The following CA13 variants were observed in gnomAD, a reference collection of about 807,000 sequenced individuals.
The protein encoded by CA13 is carbonic anhydrase 13, also known as CA-XIII.
In CA13, 21 loss-of-function variants were observed where a neutral mutation model predicts 31.5. The observed-to-expected ratio is 0.67, with a 90% CI of 0.47 to 0.96. CA13 has a LOEUF of 0.96. Ranked by LOEUF, CA13 falls within the 40% of genes least tolerant of loss-of-function variation. The pLI, the probability that CA13 is intolerant of heterozygous loss-of-function variation, is 0.00. For missense variants in CA13, 315 were observed against 318.9 expected (o/e 0.99, Z 0.09); for synonymous variants, 117 against 111.4 (o/e 1.05, Z -0.32).
At chr8:85,265,270 C>T (rs903290905) in intron 3 of CA13, among the ~76,000 whole-genome samples, 1 of 152,192 alleles carries the variant, frequency 6.6e-6, no homozygotes, top group Non-Finnish European at 1.5e-5. Flanking sequence ...ATGGCTTGAT[C>T]ACCATTTATG....
intron 6 of CA13, among the ~76,000 whole-genome samples, chr8:85,270,168 A>G (rs1004247272): frequency 1.9e-4 from 29 of 152,206 alleles, no homozygotes; most frequent in African/African-American, 6.5e-4. Flanking sequence ...ATTAGGTGCA[A>G]TATCTTAGCA....
rs1587528851 is a variant in CA13 at position 85,245,709 on chromosome 8, A to C, written c.-120A>C. 2 of 1,164,760 alleles carry C rather than the reference A, an allele frequency of 1.7e-6. No individual in the cohort carries two copies. Among genetic ancestry groups the C allele is most frequent in the Non-Finnish European group, 2.5e-6 (2 of 787,448 alleles). 72.2% of individuals were successfully genotyped at this position (1,164,760 alleles called of 1,614,324 possible). A position where few individuals can be genotyped will look rare whatever the true frequency, so the allele number is the denominator to read the frequency against. On this transcript the variant is annotated 5_prime_UTR_variant, in exon 1 of 7. Transcript: ENST00000321764. ...CCCCGGACCGGGTTCACGGTCTCGC[A>C]CTCCTGCCGCCGGCGCCCCGCGGTC...
At position 85,250,837 on chromosome 8, in the gene CA13, C is replaced by T. The variant is rs986718918; in HGVS notation, c.135C>T (p.Leu45=). The T allele has an allele frequency of 6.2e-6, 10 of 1,613,902 alleles. No homozygotes were observed. Among genetic ancestry groups the T allele is most frequent in the Non-Finnish European group, 8.5e-6 (10 of 1,179,868 alleles). ...KTKEVKYDSS[L]RPLSIKYDPS... is the part of the protein sequence containing the mutation. The stretch of plus-strand genomic sequence containing the variant: ...AAGAAGTGAAATATGACTCTTCCCT[C>T]CGACCACTTAGTATCAAGTATGACC... Residue 45 remains leucine (L), a synonymous_variant, in exon 2 of 7, where the codon CTC becomes CTT. Transcript: ENST00000321764.
In CA13 at chr8:85,281,496, C is replaced by T; in HGVS notation, c.*147C>T. The T allele has an allele frequency of 7.2e-7, 1 of 1,392,300 alleles. No individual in the cohort carries two copies. Among genetic ancestry groups the T allele is most frequent in the Non-Finnish European group, 9.4e-7 (1 of 1,067,228 alleles). The allele number at this position is 1,392,300 out of a possible 1,614,324, so 86.2% of individuals were successfully genotyped here. A position where few individuals can be genotyped will look rare whatever the true frequency, so the allele number is the denominator to read the frequency against. ...ATGAGCTTCAGTGTCACAAAGAAAA[C>T]CAGATCTCTCTCTCTTTTTTTTTTA... On this transcript the variant is annotated 3_prime_UTR_variant, in exon 7 of 7. Transcript: ENST00000321764.
At chr8:85,262,416 G>T (rs1807396465) in intron 3 of CA13, among the ~76,000 whole-genome samples, 1 of 152,108 alleles carries the variant, frequency 6.6e-6, no homozygotes, top group Non-Finnish European at 1.5e-5. Context: ...GGACAGCAGT[G>T]GTTTTGCATA....
intron 2 of CA13, 42 bp downstream of exon 2, chr8:85,250,979 G>A: frequency 7.1e-7 from 1 of 1,404,614 alleles, no homozygotes; most frequent in African/African-American, 1.4e-5. Flanking sequence ...TGGATGAAGG[G>A]TTTGAATGAT....
rs1360048926 is a variant in CA13, at chr8:85,283,076, C to G, written c.*1727C>G. On this transcript the variant is annotated 3_prime_UTR_variant, in exon 7 of 7. Coordinates refer to ENST00000321764, the MANE Select transcript of CA13 (RefSeq NM_198584.3). ...AGTGGCTGGGATTACAGGCACATGCCACCACACCCGGCTAATTTTTGTATT... is the reference window on the plus strand; with the variant it reads ...AGTGGCTGGGATTACAGGCACATGCGACCACACCCGGCTAATTTTTGTATT... 2 of 152,164 alleles carry G rather than the reference C, an allele frequency of 1.3e-5. No homozygotes were observed. The highest frequency in any genetic ancestry group is 2.9e-5 in the Non-Finnish European group (2 of 68,070). The allele number at this position is 152,164 out of a possible 1,614,324, so 9.4% of individuals were successfully genotyped here. A position where few individuals can be genotyped will look rare whatever the true frequency, so the allele number is the denominator to read the frequency against.
intron 6 of CA13, among the ~76,000 whole-genome samples, chr8:85,274,470 C>CCCTT (rs1187590188): frequency 2.6e-5 from 4 of 152,254 alleles, no homozygotes; most frequent in Admixed American, 2.6e-4. Context: ...TGGGTCCCAT[C>CCCTT]CCTTCCAGGT....
intron 1 of CA13, chr8:85,249,744 T>TA (rs1813792626): frequency 2.8e-6 from 1 of 357,006 alleles, no homozygotes; most frequent in African/African-American, 2.2e-5. Context: ...GATAGCTGTA[T>TA]AAATTTCAGG....
chr8:85,250,276 A>G (rs1425596584), intron 1 of CA13, among the ~76,000 whole-genome samples: 2 of 152,222 alleles, frequency 1.3e-5, no homozygotes, highest in Non-Finnish European at 2.9e-5. Context: ...GGAAGAATAA[A>G]GAAGTAAGCA....
At chr8:85,247,895 T>G (rs28677919) in intron 1 of CA13, among the ~76,000 whole-genome samples, 94,067 of 149,682 alleles carry the variant, frequency 0.63, 29,667 homozygotes, top group Non-Finnish European at 0.66. Context: ...TTTTGTTTTT[T>G]TTTTTTTTTC....
intron 2 of CA13, among the ~76,000 whole-genome samples, chr8:85,255,720 T>C (rs1807283880): frequency 6.6e-6 from 1 of 152,180 alleles, no homozygotes; most frequent in East Asian, 1.9e-4. Flanking sequence ...TTGGCTGTAA[T>C]ATACAGGGGA....
intron 6 of CA13, among the ~76,000 whole-genome samples, chr8:85,269,100 CT>C (rs1807494450): frequency 6.6e-6 from 1 of 152,150 alleles, no homozygotes; most frequent in Non-Finnish European, 1.5e-5. Context: ...GTGCAGTGCC[CT>C]AAGAAATGTG....
At chr8:85,274,593 C>T (rs1807574573) in intron 6 of CA13, among the ~76,000 whole-genome samples, 1 of 152,096 alleles carries the variant, frequency 6.6e-6, no homozygotes, top group Non-Finnish European at 1.5e-5. Flanking sequence ...ACCATAGACC[C>T]CACCTTCTTC....
intron 1 of CA13, 116 bp from the exon 2 acceptor site, chr8:85,250,624 C>CT (rs1813809049): frequency 1.5e-6 from 1 of 656,122 alleles, no homozygotes; most frequent in Non-Finnish European, 2.6e-6. Flanking sequence ...ACGAGAATCT[C>CT]ATTTTATTAA....
At chr8:85,272,625 T>C (rs1441654794) in intron 6 of CA13, among the ~76,000 whole-genome samples, 1 of 152,176 alleles carries the variant, frequency 6.6e-6, no homozygotes, top group African/African-American at 2.4e-5. Flanking sequence ...AAAAAATATA[T>C]TTCACAGTTG....
chr8:85,281,469 G>A lies in CA13; in HGVS notation c.*120G>A. 6.2e-6 allele frequency: 9 copies of A among 1,455,900 alleles called. 1 individual carries two copies. In the South Asian group the frequency reaches 1.3e-4, roughly 21 times the overall value. The allele number at this position is 1,455,900 out of a possible 1,614,324, so 90.2% of individuals were successfully genotyped here. ...ATTCTAATTTATAGGAAACATTTTA[G>A]TATGAGCTTCAGTGTCACAAAGAAA... On this transcript the variant is annotated 3_prime_UTR_variant, in exon 7 of 7. Transcript: ENST00000321764.
intron 3 of CA13, among the ~76,000 whole-genome samples, chr8:85,261,534 C>T (rs1160396673): frequency 6.6e-6 from 1 of 152,028 alleles, no homozygotes; most frequent in Non-Finnish European, 1.5e-5. Flanking sequence ...TCAAGTGCTT[C>T]TCCTGCCTCA....
At chr8:85,278,265 CAAAAAAA>C (rs1012685036) in intron 6 of CA13, among the ~76,000 whole-genome samples, 9 of 76,970 alleles carry the variant, frequency 1.2e-4, no homozygotes, top group East Asian at 4.2e-4. Context: ...GACTCTATCT[CAAAAAAA>C]AAAAAAAAAA....
Sources: gnomAD v4.1 joint callset for allele counts (sites outside exome capture counted in the v4.1 genomes callset) on GRCh38, gnomAD v4.1.1 for gene constraint, MANE v1.5 for transcripts, NCBI Gene and HGNC (gene_info 2026-07-23, HGNC 2026-07-21) for gene names.